ATRNL1: variants seen among roughly 807,000 people sequenced by gnomAD.
ATRNL1 encodes attractin like 1.
ATRNL1 carries 95 observed loss-of-function variants against 182.7 expected under a neutral mutation model. The ratio of observed to expected loss-of-function variants is 0.52; its 90% CI spans 0.44 to 0.62. The LOEUF (loss-of-function observed/expected upper bound fraction) is 0.62, where lower values mean the gene tolerates loss of function less well. Ranked by LOEUF, ATRNL1 falls within the 20% of genes least tolerant of loss-of-function variation. The pLI is 0.00. For synonymous variants in ATRNL1, 576 were observed against 568.3 expected (o/e 1.01, Z -0.19); for missense variants, 1,471 against 1,679.5 (o/e 0.88, Z 2.17).
intron 28 of ATRNL1, among the ~76,000 whole-genome samples, chr10:115,935,928 A>G (rs1320158207): frequency 2.0e-5 from 3 of 152,128 alleles, no homozygotes; most frequent in Non-Finnish European, 2.9e-5. Flanking sequence ...TCATGGGCAA[A>G]TTCTCAATTT....
chr10:115,929,008 T>C (rs1417358344), intron 28 of ATRNL1, among the ~76,000 whole-genome samples: 3 of 152,066 alleles, frequency 2.0e-5, no homozygotes, highest in Non-Finnish European at 4.4e-5. Flanking sequence ...TTCTTTAGTG[T>C]TCACTATTCA....
intron 1 of ATRNL1, among the ~76,000 whole-genome samples, chr10:115,095,911 A>G (rs2085000306): frequency 6.6e-6 from 1 of 152,170 alleles, no homozygotes; most frequent in Admixed American, 6.5e-5. Context: ...CCGTTTGTCT[A>G]AAGAGGACAA....
chr10:115,526,995 C>A (rs559021905), intron 25 of ATRNL1, among the ~76,000 whole-genome samples: 1 of 152,188 alleles, frequency 6.6e-6, no homozygotes, highest in South Asian at 2.1e-4. Flanking sequence ...ATGTTTAGTC[C>A]TTGACTAAGG....
At chr10:115,412,083 A>G (rs1191763867) in intron 20 of ATRNL1, among the ~76,000 whole-genome samples, 1 of 152,158 alleles carries the variant, frequency 6.6e-6, no homozygotes, top group Non-Finnish European at 1.5e-5. Context: ...ATTACATGGT[A>G]AAAGTGATGG....
intron 10 of ATRNL1, among the ~76,000 whole-genome samples, chr10:115,258,559 C>G (rs1194416202): frequency 2.0e-5 from 3 of 152,122 alleles, no homozygotes; most frequent in East Asian, 3.9e-4. Context: ...TGGGTTCGAA[C>G]ATCCTCCTTT....
chr10:115,476,170 T>G lies in ATRNL1; in HGVS notation c.3654+6841T>G, dbSNP rs56101641. On this transcript the variant is annotated intron_variant, in intron 24 of 28. Transcript: ENST00000355044. ...CCTGATTTTTCCTGTGATATTTTCT[T>G]TGATGCATAAGTTATTCCAAAATGT... Among the ~76,000 whole-genome samples the G allele has an allele frequency of 7.4e-3, 1,115 of 151,526 alleles. 8 individuals carry two copies. The highest frequency in any genetic ancestry group is 0.012 in the Non-Finnish European group (782 of 67,548).
chr10:115,344,966 GA>G (rs1184412571), intron 19 of ATRNL1, among the ~76,000 whole-genome samples: 1 of 152,150 alleles, frequency 6.6e-6, no homozygotes, highest in African/African-American at 2.4e-5. Flanking sequence ...TCATCATTCT[GA>G]CTGGTGCCAA....
intron 24 of ATRNL1, among the ~76,000 whole-genome samples, chr10:115,517,916 A>G (rs1357044378): frequency 6.6e-6 from 1 of 151,856 alleles, no homozygotes; most frequent in Non-Finnish European, 1.5e-5. Context: ...TTAATCTTTT[A>G]TAATATTTTC....
Position 115,424,428 on chromosome 10 carries a change from TG to T in ATRNL1, c.3270-1820del, listed in dbSNP as rs559262446. Among the ~76,000 whole-genome samples, 23 of 152,300 alleles carry T rather than the reference TG, an allele frequency of 1.5e-4. No individual in the cohort carries two copies. In the East Asian group the frequency reaches 4.0e-3, roughly 27 times the overall value. ...AAATATGTTTCAGTAATCTCACTAC[TG>T]GATATTTATCCGAAGGAATTGAAAT... On this transcript the variant is annotated intron_variant, in intron 20 of 28. Coordinates refer to ENST00000355044, the MANE Select transcript of ATRNL1 (RefSeq NM_207303.4).
intron 27 of ATRNL1, among the ~76,000 whole-genome samples, chr10:115,789,543 G>A (rs78598844): frequency 1.4e-3 from 214 of 152,298 alleles, no homozygotes; most frequent in Non-Finnish European, 2.6e-3. Context: ...GGGGTTGTGC[G>A]CAGATAGTTG....
At chr10:115,275,152 A>G (rs1440630185) in intron 13 of ATRNL1, among the ~76,000 whole-genome samples, 1 of 152,120 alleles carries the variant, frequency 6.6e-6, no homozygotes, top group Non-Finnish European at 1.5e-5. Context: ...TCCACAGGTC[A>G]AGGAACCGGT....
intron 28 of ATRNL1, among the ~76,000 whole-genome samples, chr10:115,857,184 C>G (rs1339946711): frequency 6.6e-6 from 1 of 151,970 alleles, no homozygotes; most frequent in African/African-American, 2.4e-5. Context: ...ATAACATATA[C>G]AACATACAAA....
chr10:115,458,960 A>T (rs571168452), intron 21 of ATRNL1, among the ~76,000 whole-genome samples: 2 of 152,250 alleles, frequency 1.3e-5, no homozygotes, highest in East Asian at 3.9e-4. Flanking sequence ...AAGAATATGG[A>T]TTGTGAAGAT....
intron 20 of ATRNL1, among the ~76,000 whole-genome samples, chr10:115,410,175 A>G (rs1366549834): frequency 1.3e-5 from 2 of 151,998 alleles, no homozygotes; most frequent in African/African-American, 2.4e-5. Flanking sequence ...ATATTAGCCT[A>G]TAGTTTTCTT....
chr10:115,113,938 A>G (rs1393057446), intron 1 of ATRNL1, among the ~76,000 whole-genome samples: 2 of 152,224 alleles, frequency 1.3e-5, no homozygotes, highest in African/African-American at 2.4e-5. Context: ...CTTGACTTTG[A>G]TGGAACTTAT....
At chr10:115,846,087 CTG>C (rs1950921071) in intron 27 of ATRNL1, among the ~76,000 whole-genome samples, 1 of 152,010 alleles carries the variant, frequency 6.6e-6, no homozygotes. Flanking sequence ...AAAAATAAGT[CTG>C]TTAAATTAAA....
chr10:115,453,239 T>C (rs2134494293), intron 21 of ATRNL1, among the ~76,000 whole-genome samples: 1 of 152,162 alleles, frequency 6.6e-6, no homozygotes, highest in Admixed American at 6.6e-5. Context: ...GAACAGATGG[T>C]AGTTCTATTT....
In ATRNL1 at chr10:115,627,886, C is replaced by A. The variant is rs190760996; in HGVS notation, c.3795+78350C>A. Among the ~76,000 whole-genome samples the A allele has an allele frequency of 1.4e-3, 219 of 152,038 alleles. 1 individual carries two copies. The highest frequency in any genetic ancestry group is 4.6e-3 in the African/African-American group (192 of 41,480). On this transcript the variant is annotated intron_variant, in intron 26 of 28. Coordinates refer to ENST00000355044, the MANE Select transcript of ATRNL1 (RefSeq NM_207303.4). ...TTTGAGGAACCACCAAAATGTTTTC[C>A]ACAGTTTGAAATGAACCATGTTGGC...
chr10:115,116,081 G>T (rs572707070), intron 1 of ATRNL1, among the ~76,000 whole-genome samples: 1 of 152,176 alleles, frequency 6.6e-6, no homozygotes, highest in South Asian at 2.1e-4. Flanking sequence ...AGGCTTTGTT[G>T]GCCAGATGGT....
Sources: gnomAD v4.1 joint callset for allele counts (sites outside exome capture counted in the v4.1 genomes callset) on GRCh38, gnomAD v4.1.1 for gene constraint, MANE v1.5 for transcripts, NCBI Gene and HGNC (gene_info 2026-07-23, HGNC 2026-07-21) for gene names.